The following PTGR2 variants were observed in gnomAD, a reference collection of about 807,000 sequenced individuals.
The protein encoded by PTGR2 is 15-oxoprostaglandin 13-reductase.
In PTGR2, 32 loss-of-function variants were observed where a neutral mutation model predicts 43.4. The ratio of observed to expected loss-of-function variants is 0.74; its 90% CI spans 0.56 to 0.99. The LOEUF (loss-of-function observed/expected upper bound fraction) is 0.99, where lower values mean the gene tolerates loss of function less well. Ranked by LOEUF, PTGR2 falls within the 50% of genes least tolerant of loss-of-function variation. The probability of loss-of-function intolerance (pLI) is 0.00; values close to 1 mark genes in which losing one functional copy is unlikely to be tolerated. For synonymous variants in PTGR2, 106 were observed against 139.2 expected, an observed-to-expected ratio of 0.76 and a Z score of 1.68; for missense variants, 373 against 420.0, an observed-to-expected ratio of 0.89 and a Z score of 0.98.
rs1357856125 is a variant in PTGR2, at chr14:73,879,123, G to A, written c.547G>A (p.Val183Met). ...TGGCCATTTCTTAGGTTGTTCCAGAGTGGTGGGAATTTGTGGAACACATGA... is the reference window on the plus strand; with the variant it reads ...TGGCCATTTCTTAGGTTGTTCCAGAATGGTGGGAATTTGTGGAACACATGA... ...QIGHFLGCSR[V>M]VGICGTHEKC... Residue 183 changes from valine to methionine, a missense_variant, in exon 6 of 10, where the codon GTG (valine) becomes ATG (methionine). Val to Met is a conservative substitution (Grantham distance 21). Coordinates refer to ENST00000555661, the MANE Select transcript of PTGR2 (RefSeq NM_001146154.2). 6.2e-7 allele frequency: 1 copy of A among 1,614,088 alleles called. No homozygotes were observed. Among genetic ancestry groups the A allele is most frequent in the African/African-American group, 1.3e-5 (1 of 75,014 alleles).
intron 4 of PTGR2, among the ~76,000 whole-genome samples, chr14:73,875,826 T>TC (rs1228059696): frequency 6.9e-6 from 1 of 145,728 alleles, no homozygotes; most frequent in African/African-American, 2.6e-5. Context: ...GTTTCTTTTT[T>TC]TTTTTTTTTT....
chr14:73,874,251 C>T (rs747394227), intron 4 of PTGR2, 37 bp downstream of exon 4: 68 of 1,426,192 alleles, frequency 4.8e-5, no homozygotes, highest in Admixed American at 1.5e-4. Context: ...TTTTTTTCCC[C>T]GTATAATTCT....
intron 3 of PTGR2, among the ~76,000 whole-genome samples, chr14:73,869,797 G>A (rs1055059638): frequency 6.6e-6 from 1 of 151,974 alleles, no homozygotes; most frequent in Non-Finnish European, 1.5e-5. Flanking sequence ...AGGCTGAGGC[G>A]GGCGGATCAC....
chr14:73,868,638 TCA>T (rs1208540932), intron 3 of PTGR2, among the ~76,000 whole-genome samples: 1 of 151,968 alleles, frequency 6.6e-6, no homozygotes, highest in African/African-American at 2.4e-5. Context: ...CTGCCTTAAA[TCA>T]CCTCAGGGCC....
intron 1 of PTGR2, among the ~76,000 whole-genome samples, chr14:73,852,346 C>G (rs894312011): frequency 6.6e-6 from 1 of 152,114 alleles, no homozygotes; most frequent in Non-Finnish European, 1.5e-5. Context: ...ACTGCAGCCT[C>G]CATCTCTCGG....
At chr14:73,853,379 A>G (rs773722945) in intron 1 of PTGR2, among the ~76,000 whole-genome samples, 1 of 150,150 alleles carries the variant, frequency 6.7e-6, no homozygotes. Flanking sequence ...CTGGAGTGCA[A>G]TGGCGTGATC....
chr14:73,866,037 C>T (rs2054590254), intron 3 of PTGR2, among the ~76,000 whole-genome samples: 1 of 150,798 alleles, frequency 6.6e-6, no homozygotes, highest in African/African-American at 2.4e-5. Context: ...GAGTCTTGCT[C>T]TGTCGCCAGT....
chr14:73,874,489 C>T (rs2054810694), intron 4 of PTGR2: 1 of 509,514 alleles, frequency 2.0e-6, no homozygotes. Flanking sequence ...CATGTATGTG[C>T]ACTGGAGCCT....
chr14:73,872,960 G>T (rs1050915393), intron 3 of PTGR2, among the ~76,000 whole-genome samples: 1 of 147,840 alleles, frequency 6.8e-6, no homozygotes, highest in Non-Finnish European at 1.5e-5. Context: ...CTGGGTGACA[G>T]AGACTCCATC....
chr14:73,883,402 A>G (rs978412599), intron 9 of PTGR2, among the ~76,000 whole-genome samples: 1 of 148,802 alleles, frequency 6.7e-6, no homozygotes, highest in Non-Finnish European at 1.5e-5. Context: ...GGGTCTCACT[A>G]TATTGTCCAG....
intron 3 of PTGR2, among the ~76,000 whole-genome samples, chr14:73,862,702 A>T (rs1459370392): frequency 6.6e-6 from 1 of 151,962 alleles, no homozygotes; most frequent in Non-Finnish European, 1.5e-5. Context: ...AGGACTGTGG[A>T]CTTCATTTTA....
intron 7 of PTGR2, among the ~76,000 whole-genome samples, chr14:73,880,587 C>CAA (rs370222443): frequency 1.8e-4 from 19 of 103,000 alleles, no homozygotes; most frequent in African/African-American, 3.5e-4. Flanking sequence ...CTCAAAAAAA[C>CAA]AAAAAAAAAA....
intron 6 of PTGR2, chr14:73,879,810 A>C: frequency 2.2e-6 from 1 of 447,384 alleles, no homozygotes; most frequent in Non-Finnish European, 4.1e-6. Context: ...ACCACTAATA[A>C]GTAGCAACAA....
At chr14:73,879,455 G>T (rs1458307390) in intron 6 of PTGR2, 150 bp downstream of exon 6, 1 of 644,840 alleles carries the variant, frequency 1.6e-6, no homozygotes, top group African/African-American at 1.8e-5. Context: ...TGATACAAAA[G>T]AGCTTGCTGA....
rs1287270188 is a variant in PTGR2 at position 73,879,241 on chromosome 14, C to T, written c.665C>T (p.Pro222Leu). The part of the protein sequence containing the change: ...NVAEQLRESC[P>L]AGVDVYFDNV... Reference sequence around the variant, plus strand: ...GCAGAACAGCTCCGTGAATCATGCCCAGCTGGAGTGGATGTTTATTTTGAC... The same window carrying T: ...GCAGAACAGCTCCGTGAATCATGCCTAGCTGGAGTGGATGTTTATTTTGAC... Residue 222 changes from proline to leucine, a missense_variant, in exon 6 of 10, where the codon CCA (proline) becomes CTA (leucine). Coordinates refer to ENST00000555661, the MANE Select transcript of PTGR2 (RefSeq NM_001146154.2). 1.2e-6 allele frequency: 2 copies of T among 1,614,082 alleles called. No individual in the cohort carries two copies. Among genetic ancestry groups the T allele is most frequent in the Non-Finnish European group, 1.7e-6 (2 of 1,180,008 alleles).
intron 1 of PTGR2, among the ~76,000 whole-genome samples, chr14:73,857,804 G>A (rs2140234142): frequency 6.6e-6 from 1 of 151,096 alleles, no homozygotes; most frequent in South Asian, 2.1e-4. Context: ...GAGTAGCTGG[G>A]ACTACAGGCT....
chr14:73,870,726 A>G (rs1186367502), intron 3 of PTGR2, among the ~76,000 whole-genome samples: 1 of 152,100 alleles, frequency 6.6e-6, no homozygotes, highest in East Asian at 1.9e-4. Context: ...CCTGGCCTCA[A>G]GCGATCCTCC....
At chr14:73,882,334 T>A in intron 8 of PTGR2, 65 bp from the exon 9 acceptor site, 1 of 1,009,278 alleles carries the variant, frequency 9.9e-7, no homozygotes, top group South Asian at 1.4e-5. Flanking sequence ...TTTGTAAGTA[T>A]GGAAACTATC....
At chr14:73,870,941 G>A (rs1037176905) in intron 3 of PTGR2, among the ~76,000 whole-genome samples, 1 of 152,150 alleles carries the variant, frequency 6.6e-6, no homozygotes, top group African/African-American at 2.4e-5. Flanking sequence ...GCTCTTTGCT[G>A]GCACACAATT....
Sources: gnomAD v4.1 joint callset for allele counts (sites outside exome capture counted in the v4.1 genomes callset) on GRCh38, gnomAD v4.1.1 for gene constraint, MANE v1.5 for transcripts, NCBI Gene and HGNC (gene_info 2026-07-23, HGNC 2026-07-21) for gene names.